Variants in LMO2 observed in about 807,000 individuals in gnomAD.
LMO2 encodes the protein LIM domain only 2, also known as rhombotin-2.
LMO2 carries 20 observed loss-of-function variants against 23.2 expected under a neutral mutation model. The observed-to-expected ratio is 0.86, with a 90% confidence interval of 0.61 to 1.25. LMO2 has a LOEUF of 1.25. LMO2 is among the 50% of genes most tolerant of loss of function. The pLI is 0.00. For synonymous variants in LMO2, 123 were observed against 130.2 expected (o/e 0.94, Z 0.38); for missense variants, 270 against 315.3 (o/e 0.86, Z 1.09).
rs570369178 is a variant in LMO2, at chr11:33,867,342, T to A, written c.248+2004A>T. On this transcript the variant is annotated intron_variant, in intron 4 of 5. Transcript: ENST00000257818. ...GTAGGATACTGGACAACAGGAGGAA[T>A]GTAAAGTAAAAGAGTTACGGTGATG... Among the ~76,000 whole-genome samples the A allele has an allele frequency of 6.0e-4, 91 of 152,254 alleles. 1 individual carries two copies. Among genetic ancestry groups the A allele is most frequent in the African/African-American group, 2.1e-3 (87 of 41,544 alleles).
At chr11:33,882,352 T>A (rs1857305218) in intron 1 of LMO2, among the ~76,000 whole-genome samples, 1 of 152,130 alleles carries the variant, frequency 6.6e-6, no homozygotes. Flanking sequence ...TCCCTCTGAG[T>A]CTCAGAAATC....
At chr11:33,873,154 T>C (rs1432622500) in intron 2 of LMO2, among the ~76,000 whole-genome samples, 1 of 152,198 alleles carries the variant, frequency 6.6e-6, no homozygotes, top group Non-Finnish European at 1.5e-5. Flanking sequence ...ATTAAATATA[T>C]CCTTGGGTTC....
chr11:33,872,330 C>T (rs756753940), intron 2 of LMO2, among the ~76,000 whole-genome samples: 5 of 152,134 alleles, frequency 3.3e-5, no homozygotes, highest in African/African-American at 7.2e-5. Context: ...TCCCAGTATC[C>T]TCATCTGTAA....
intron 2 of LMO2, among the ~76,000 whole-genome samples, chr11:33,877,688 C>T (rs1857168447): frequency 7.0e-6 from 1 of 142,766 alleles, no homozygotes; most frequent in South Asian, 2.2e-4. Context: ...TGGTGTTGAA[C>T]TCCTGACCTC....
At chr11:33,871,641 A>G (rs950327145) in intron 2 of LMO2, among the ~76,000 whole-genome samples, 2 of 151,118 alleles carry the variant, frequency 1.3e-5, no homozygotes, top group Non-Finnish European at 1.5e-5. Flanking sequence ...AAAAAAGAAA[A>G]TACTTAGAAT....
In LMO2 at chr11:33,880,978, A is replaced by G. The variant is rs1857267114; in HGVS notation, c.-272+846T>C. 2.9e-6 allele frequency: 1 copy of G among 348,620 alleles called. No homozygotes were observed. The highest frequency in any genetic ancestry group is 2.1e-5 in the African/African-American group (1 of 46,548). 21.6% of individuals were successfully genotyped at this position (348,620 alleles called of 1,614,324 possible). On this transcript the variant is annotated intron_variant, in intron 2 of 5. Coordinates refer to ENST00000257818, the MANE Select transcript of LMO2 (RefSeq NM_005574.4). The surrounding 1 kb of genome is among the most constrained non-coding windows in gnomAD (Gnocchi z 4.3). ...AGCCCATTTGACTCCAAGGACAGAA[A>G]AAAAGAGTGCAGGTTGTTATTATGC...
In LMO2 at chr11:33,859,365, C is replaced by A; in HGVS notation, c.675G>T (p.Gly225=). The A allele has an allele frequency of 1.9e-6, 3 of 1,613,538 alleles. No individual in the cohort carries two copies. Among genetic ancestry groups the A allele is most frequent in the Non-Finnish European group, 2.5e-6 (3 of 1,179,506 alleles). ...GCCCGGGGACTCGGGCCTATATCAT[C>A]CCATTGATCTTAGTCCACTCGTAGA... ...QDIYEWTKIN[G]MI The change falls in exon 6 of 6, where the codon GGG becomes GGT. Residue 225 remains glycine, a synonymous_variant. Coordinates refer to ENST00000257818, the MANE Select transcript of LMO2 (RefSeq NM_005574.4).
chr11:33,874,707 G>A (rs772134189), intron 2 of LMO2, among the ~76,000 whole-genome samples: 5 of 152,190 alleles, frequency 3.3e-5, no homozygotes, highest in Admixed American at 2.6e-4. Flanking sequence ...CTAAGACCTC[G>A]GCAAGCCTCA....
chr11:33,878,253 C>T (rs1857184523), intron 2 of LMO2, among the ~76,000 whole-genome samples: 1 of 152,168 alleles, frequency 6.6e-6, no homozygotes, highest in South Asian at 2.1e-4. Flanking sequence ...CCCATCCAGC[C>T]TGTTCTCCTC....
At chr11:33,860,292 A>G (rs1856523019) in intron 5 of LMO2, among the ~76,000 whole-genome samples, 1 of 152,084 alleles carries the variant, frequency 6.6e-6, no homozygotes, top group Admixed American at 6.5e-5. Context: ...CAAAAGGGAA[A>G]CTTCTTTTCT....
chr11:33,877,575 C>T (rs1156350760), intron 2 of LMO2, among the ~76,000 whole-genome samples: 1 of 150,826 alleles, frequency 6.6e-6, no homozygotes, highest in Non-Finnish European at 1.5e-5. Context: ...AGTGATTCTC[C>T]TGTCTCAGCC....
rs558435457 is a variant in LMO2, at chr11:33,869,014, A to C, written c.248+332T>G. Among the ~76,000 whole-genome samples the C allele has an allele frequency of 4.9e-4, 75 of 152,318 alleles. 1 individual carries two copies. The East Asian group carries it at 5.8e-3, about 12-fold the overall frequency. On this transcript the variant is annotated intron_variant, in intron 4 of 5. Coordinates refer to ENST00000257818, the MANE Select transcript of LMO2 (RefSeq NM_005574.4). ...GAGTCAAGCCCAGAACGCTCTCCGG[A>C]CTGCACCTGCGCGCCTCCAGGCTCT...
At chr11:33,873,114 G>C (rs548865459) in intron 2 of LMO2, among the ~76,000 whole-genome samples, 7 of 152,246 alleles carry the variant, frequency 4.6e-5, no homozygotes, top group Admixed American at 3.3e-4. Context: ...CCTTGTCACA[G>C]TTTTGCATGG....
At chr11:33,877,196 C>T (rs1384590431) in intron 2 of LMO2, among the ~76,000 whole-genome samples, 1 of 152,122 alleles carries the variant, frequency 6.6e-6, no homozygotes, top group Non-Finnish European at 1.5e-5. Flanking sequence ...GAGGCCTGGC[C>T]CAGGCTCACA....
In LMO2 at chr11:33,864,917, G is replaced by T; in HGVS notation, c.249-100C>A. The T allele has an allele frequency of 9.7e-7, 1 of 1,027,600 alleles. No homozygotes were observed. The highest frequency in any genetic ancestry group is 1.5e-6 in the Non-Finnish European group (1 of 667,044). 63.7% of individuals were successfully genotyped at this position (1,027,600 alleles called of 1,614,324 possible). On this transcript the variant is annotated intron_variant, in intron 4 of 5. Transcript: ENST00000257818. This position sits in a 1 kb window ranked among gnomAD's most constrained non-coding sequence, Gnocchi z 4.8. ...GCCAGACAGGGCATCTCACCTGACT[G>T]CCTTTCAGTGACCTAAGGGAGAAGG...
Position 33,864,878 on chromosome 11 carries a change from C to T in LMO2, c.249-61G>A, listed in dbSNP as rs1565024594. On this transcript the variant is annotated intron_variant, in intron 4 of 5. Coordinates refer to ENST00000257818, the MANE Select transcript of LMO2 (RefSeq NM_005574.4). This position sits in a 1 kb window ranked among gnomAD's most constrained non-coding sequence, Gnocchi z 4.8. The stretch of plus-strand genomic sequence containing the variant: ...CAGAGTGAGACCAGCACCGAGGGTC[C>T]GAGATCGTTTTGGGCCAGACAGGGC... The T allele has an allele frequency of 6.6e-6, 10 of 1,522,832 alleles. No individual in the cohort carries two copies. Among genetic ancestry groups the T allele is most frequent in the African/African-American group, 1.4e-5 (1 of 73,222 alleles). The allele number at this position is 1,522,832 out of a possible 1,614,324, so 94.3% of individuals were successfully genotyped here. A position where few individuals can be genotyped will look rare whatever the true frequency, so the allele number is the denominator to read the frequency against.
rs547256903 is a variant in LMO2, at chr11:33,864,266, C to T, written c.464+336G>A. Among the ~76,000 whole-genome samples the T allele has an allele frequency of 6.4e-4, 97 of 152,280 alleles. No individual in the cohort carries two copies. The highest frequency in any genetic ancestry group is 2.3e-3 in the African/African-American group (96 of 41,564). ...TAGAAACACTCCCAGTCCCTCTGAT[C>T]CTCCGTGTGTACTCCTCCTCAATCC... On this transcript the variant is annotated intron_variant, in intron 5 of 5. Coordinates refer to ENST00000257818, the MANE Select transcript of LMO2 (RefSeq NM_005574.4). The surrounding 1 kb of genome is among the most constrained non-coding windows in gnomAD (Gnocchi z 4.8).
intron 4 of LMO2, among the ~76,000 whole-genome samples, chr11:33,868,691 T>C (rs1856876870): frequency 6.6e-6 from 1 of 152,198 alleles, no homozygotes; most frequent in South Asian, 2.1e-4. Context: ...ATACACAAAA[T>C]GGTGCATTAA....
chr11:33,869,489 GC>G lies in LMO2; in HGVS notation c.104del (p.Gly35AlafsTer63). ...CCCCCTCGGGTGCTCGGGCGCCGCC[GC>G]CGCCGCCGCCGTCGCCGCCGCTCCT... Reference protein sequence around the residue: ...RRRSGGDGGGGGGARAPEGVR... With the variant: ...RRRSGGDGGGXGGARAPEGVR... On this transcript the variant is annotated frameshift_variant, in exon 4 of 6. Coordinates refer to ENST00000257818, the MANE Select transcript of LMO2 (RefSeq NM_005574.4). LOFTEE classifies it high-confidence loss of function. 8.3e-7 allele frequency: 1 copy of G among 1,201,622 alleles called. No homozygotes were observed. Among genetic ancestry groups the G allele is most frequent in the Non-Finnish European group, 1.0e-6 (1 of 964,792 alleles). The allele number at this position is 1,201,622 out of a possible 1,614,324, so 74.4% of individuals were successfully genotyped here. A position where few individuals can be genotyped will look rare whatever the true frequency, so the allele number is the denominator to read the frequency against.
Sources: allele counts gnomAD v4.1 joint callset (sites outside exome capture counted in the v4.1 genomes callset), GRCh38; gene constraint gnomAD v4.1.1; non-coding constraint Gnocchi (gnomAD v3.1); transcripts MANE v1.5; gene names NCBI Gene and HGNC (gene_info 2026-07-23, HGNC 2026-07-21).